Variants in OSBPL8 observed in about 807,000 individuals in gnomAD.
The protein encoded by OSBPL8 is oxysterol-binding protein-related protein 8.
OSBPL8 carries 59 observed loss-of-function variants against 125.5 expected under a neutral mutation model. That is an observed-to-expected ratio of 0.47 (90% CI 0.38 to 0.58). The LOEUF (loss-of-function observed/expected upper bound fraction) is 0.58, where lower values mean the gene tolerates loss of function less well. Among genes scored for constraint, OSBPL8 ranks in the 20% least tolerant of loss-of-function variants. The pLI, the probability that OSBPL8 is intolerant of heterozygous loss-of-function variation, is 0.00. For synonymous variants in OSBPL8, 330 were observed against 338.9 expected, an observed-to-expected ratio of 0.97 and a Z score of 0.29; for missense variants, 758 against 1,047.8, an observed-to-expected ratio of 0.72 and a Z score of 3.82.
rs1417966974 is a variant in OSBPL8, at chr12:76,407,620, T to A, written c.288+2944A>T. Among the ~76,000 whole-genome samples, 3 of 152,216 alleles carry A rather than the reference T, an allele frequency of 2.0e-5. No individual in the cohort carries two copies. In the East Asian group the frequency reaches 5.8e-4, roughly 29 times the overall value. ...GCTAACAGAATAAACTAAGATTAAATCTAAATTATGAGAAAATCAGTAAGT... is the reference window on the plus strand; with the variant it reads ...GCTAACAGAATAAACTAAGATTAAAACTAAATTATGAGAAAATCAGTAAGT... On this transcript the variant is annotated intron_variant, in intron 5 of 23. Coordinates refer to ENST00000261183, the MANE Select transcript of OSBPL8 (RefSeq NM_020841.5).
At chr12:76,482,673 T>C (rs1490935690) in intron 2 of OSBPL8, among the ~76,000 whole-genome samples, 1 of 152,186 alleles carries the variant, frequency 6.6e-6, no homozygotes, top group Non-Finnish European at 1.5e-5. Context: ...TTCAATTTTC[T>C]CTAATCTACA....
At chr12:76,480,739 C>G (rs17042310) in intron 2 of OSBPL8, among the ~76,000 whole-genome samples, 5,944 of 152,220 alleles carry the variant, frequency 0.039, 418 homozygotes, top group African/African-American at 0.13. Flanking sequence ...TTTGGGTTAT[C>G]CAACAACAGG....
At chr12:76,470,522 T>C (rs1033177062) in intron 2 of OSBPL8, among the ~76,000 whole-genome samples, 1 of 152,248 alleles carries the variant, frequency 6.6e-6, no homozygotes, top group African/African-American at 2.4e-5. Context: ...AGCATCTTAC[T>C]TGAAATTTCA....
intron 4 of OSBPL8, among the ~76,000 whole-genome samples, chr12:76,416,840 C>T (rs1004535718): frequency 6.6e-6 from 1 of 151,966 alleles, no homozygotes; most frequent in African/African-American, 2.4e-5. Context: ...CTATTTGTTC[C>T]TCCCATACTC....
At chr12:76,555,449 T>C (rs1056456772) in intron 1 of OSBPL8, among the ~76,000 whole-genome samples, 2 of 152,144 alleles carry the variant, frequency 1.3e-5, no homozygotes, top group African/African-American at 4.8e-5. Flanking sequence ...TTAAACATAA[T>C]GCCATGAGTC....
At chr12:76,454,021 A>C (rs76652699) in intron 3 of OSBPL8, among the ~76,000 whole-genome samples, 1 of 152,214 alleles carries the variant, frequency 6.6e-6, no homozygotes, top group Non-Finnish European at 1.5e-5. Context: ...AAATTAACAA[A>C]AATTAATGTC....
At chr12:76,507,236 T>C (rs1880508502) in intron 1 of OSBPL8, among the ~76,000 whole-genome samples, 1 of 151,786 alleles carries the variant, frequency 6.6e-6, no homozygotes, top group Non-Finnish European at 1.5e-5. Context: ...CTAGAGAAAG[T>C]AATTTTTATA....
At chr12:76,556,026 C>T (rs1464531423) in intron 1 of OSBPL8, among the ~76,000 whole-genome samples, 1 of 152,210 alleles carries the variant, frequency 6.6e-6, no homozygotes, top group African/African-American at 2.4e-5. Flanking sequence ...TCACCTCCTC[C>T]AAGAAAGTTT....
At chr12:76,458,569 G>A (rs980370852) in intron 3 of OSBPL8, among the ~76,000 whole-genome samples, 1 of 151,676 alleles carries the variant, frequency 6.6e-6, no homozygotes, top group Non-Finnish European at 1.5e-5. Flanking sequence ...CACAAGCCTG[G>A]AGTCCTAGCT....
chr12:76,420,420 A>T (rs909024683), intron 4 of OSBPL8, among the ~76,000 whole-genome samples: 3 of 152,116 alleles, frequency 2.0e-5, no homozygotes, highest in Non-Finnish European at 4.4e-5. Flanking sequence ...AGAGATAGAT[A>T]ATCAGATATG....
chr12:76,448,654 A>G (rs1873002835), intron 4 of OSBPL8, among the ~76,000 whole-genome samples: 1 of 152,254 alleles, frequency 6.6e-6, no homozygotes, highest in African/African-American at 2.4e-5. Context: ...ATAAATTTTT[A>G]TAGTTCCTAC....
intron 1 of OSBPL8, among the ~76,000 whole-genome samples, chr12:76,540,221 T>C (rs1029056171): frequency 6.6e-6 from 1 of 152,094 alleles, no homozygotes; most frequent in Non-Finnish European, 1.5e-5. Context: ...ACACTTCAAG[T>C]CAACCTCTCA....
intron 21 of OSBPL8, among the ~76,000 whole-genome samples, chr12:76,364,331 T>A (rs1016702559): frequency 1.3e-5 from 2 of 152,134 alleles, no homozygotes; most frequent in Non-Finnish European, 2.9e-5. Flanking sequence ...TAAAAAAGGA[T>A]GACTTAATGT....
At chr12:76,476,404 G>C (rs972776233) in intron 2 of OSBPL8, among the ~76,000 whole-genome samples, 2 of 151,932 alleles carry the variant, frequency 1.3e-5, no homozygotes, top group African/African-American at 4.8e-5. Flanking sequence ...TAATAAACAT[G>C]TTTAAAAAGA....
chr12:76,360,335 G>A (rs771497734), intron 21 of OSBPL8, among the ~76,000 whole-genome samples: 2 of 152,200 alleles, frequency 1.3e-5, no homozygotes, highest in East Asian at 1.9e-4. Context: ...TTGACTCCAC[G>A]TTTCATATCC....
chr12:76,542,553 G>A (rs1950676533), intron 1 of OSBPL8, among the ~76,000 whole-genome samples: 1 of 152,210 alleles, frequency 6.6e-6, no homozygotes, highest in Non-Finnish European at 1.5e-5. Flanking sequence ...CTGGGGTGGA[G>A]TCCAATAATC....
At chr12:76,419,016 A>C (rs1402819358) in intron 4 of OSBPL8, among the ~76,000 whole-genome samples, 1 of 152,160 alleles carries the variant, frequency 6.6e-6, no homozygotes, top group Non-Finnish European at 1.5e-5. Flanking sequence ...CAGGCAGATC[A>C]CTTGAGGCCA....
At chr12:76,416,231 T>C (rs1488760725) in intron 4 of OSBPL8, among the ~76,000 whole-genome samples, 1 of 152,116 alleles carries the variant, frequency 6.6e-6, no homozygotes, top group Non-Finnish European at 1.5e-5. Flanking sequence ...TATTGAACTT[T>C]TTGTTATAGA....
chr12:76,444,969 A>G (rs1219612674), intron 4 of OSBPL8, among the ~76,000 whole-genome samples: 2 of 152,142 alleles, frequency 1.3e-5, no homozygotes, highest in Non-Finnish European at 2.9e-5. Context: ...TTAAAATTTT[A>G]TATTTCTCTT....
Sources: allele counts gnomAD v4.1 joint callset (sites outside exome capture counted in the v4.1 genomes callset), GRCh38; gene constraint gnomAD v4.1.1; transcripts MANE v1.5; gene names NCBI Gene and HGNC (gene_info 2026-07-23, HGNC 2026-07-21).